The following MRC2 variants were observed in gnomAD, a reference collection of about 807,000 sequenced individuals.
The protein encoded by MRC2 is C-type mannose receptor 2.
In MRC2, 84 loss-of-function variants were observed where a neutral mutation model predicts 206.2. That is an observed-to-expected ratio of 0.41 (90% CI 0.34 to 0.49). The LOEUF is 0.49. Among genes scored for constraint, MRC2 ranks in the 20% least tolerant of loss-of-function variants. MRC2 has a pLI of 0.31. For synonymous variants in MRC2, 798 were observed against 800.0 expected, an observed-to-expected ratio of 1.00 and a Z score of 0.04; for missense variants, 1,676 against 2,001.5, an observed-to-expected ratio of 0.84 and a Z score of 3.10.
intron 1 of MRC2, among the ~76,000 whole-genome samples, chr17:62,638,373 A>G (rs1053483543): frequency 2.6e-5 from 4 of 152,196 alleles, no homozygotes; most frequent in Non-Finnish European, 2.9e-5. Flanking sequence ...GTGGATTTAA[A>G]CTGTTATAAG....
In MRC2 at chr17:62,689,589, C is replaced by T. The variant is rs560546241; in HGVS notation, c.3402C>T (p.Asn1134=). 1.6e-5 allele frequency: 25 copies of T among 1,602,936 alleles called. No individual in the cohort carries two copies. In the East Asian group the frequency reaches 1.8e-4, roughly 11 times the overall value. The change falls in exon 24 of 30, where the codon AAC becomes AAT. Residue 1134 remains asparagine, a synonymous_variant. Transcript: ENST00000303375. The part of the protein sequence containing the change: ...PAPGTELSYL[N]GTFRLLQKPL... ...CGGGCACTGAGCTCTCCTACCTCAA[C>T]GGCACCTTCCGGCTGCTTCAGAAGC...
chr17:62,637,573 C>T (rs563661951), intron 1 of MRC2, among the ~76,000 whole-genome samples: 1 of 151,842 alleles, frequency 6.6e-6, no homozygotes, highest in Non-Finnish European at 1.5e-5. Flanking sequence ...AAAGAATTCC[C>T]GGCCTTCTCA....
intron 27 of MRC2, 73 bp from the exon 28 acceptor site, chr17:62,690,876 G>A: frequency 6.7e-7 from 1 of 1,496,262 alleles, no homozygotes; most frequent in Non-Finnish European, 8.9e-7. Flanking sequence ...GTCGGTTCTA[G>A]AACACACCTG....
At chr17:62,649,083 CAGGGCCCA>C (rs1279695894) in intron 1 of MRC2, among the ~76,000 whole-genome samples, 1 of 152,234 alleles carries the variant, frequency 6.6e-6, no homozygotes, top group South Asian at 2.1e-4. Context: ...CAGCCAATCC[CAGGGCCCA>C]AGGGCCCAAG....
Position 62,681,882 on chromosome 17 carries a change from C to T in MRC2, c.2748C>T (p.Gly916=). 2 of 1,613,974 alleles carry T rather than the reference C, an allele frequency of 1.2e-6. No homozygotes were observed. The highest frequency in any genetic ancestry group is 1.1e-5 in the South Asian group (1 of 91,026). ...SIINFISWAP[G]KPRPVGKDKK... Reference sequence around the variant, plus strand: ...TAAACTTCATCTCCTGGGCACCAGGCAAACCTCGGCCTGTCGGCAAGGACA... The same window carrying T: ...TAAACTTCATCTCCTGGGCACCAGGTAAACCTCGGCCTGTCGGCAAGGACA... Residue 916 remains glycine (G), a synonymous_variant, in exon 19 of 30, where the codon GGC becomes GGT. Coordinates refer to ENST00000303375, the MANE Select transcript of MRC2 (RefSeq NM_006039.5).
chr17:62,635,211 TTC>T lies in MRC2; in HGVS notation c.118+7292_118+7293del, dbSNP rs1491026661. 4.8e-5 allele frequency among the ~76,000 whole-genome samples: 7 copies of T among 146,956 alleles called. No individual in the cohort carries two copies. The East Asian group carries it at 1.2e-3, about 24-fold the overall frequency. ...TTTCTCTTTTTTTTTTTTTTTTTTT[TTC>T]AGAAATAGCCTCAATCAGAGGCATT... On this transcript the variant is annotated intron_variant, in intron 1 of 29. Transcript: ENST00000303375.
In MRC2 at chr17:62,676,524, C is replaced by A; in HGVS notation, c.1827C>A (p.Asp609Glu). 6.3e-7 allele frequency: 1 copy of A among 1,590,614 alleles called. No homozygotes were observed. The highest frequency in any genetic ancestry group is 8.6e-7 in the Non-Finnish European group (1 of 1,168,088). The stretch of plus-strand genomic sequence containing the variant: ...TCATGTACACCCACTGGAACCGGGA[C>A]CAGCCCGGTGAGCCCCTTATTTGAC... The part of the protein sequence containing the change: ...DEVMYTHWNR[D>E]QPGYSRGGCV... The change falls in exon 11 of 30, where the codon GAC (aspartate) becomes GAA (glutamate). Residue 609 changes from aspartate (D) to glutamate (E), a missense_variant. Asp to Glu is a conservative substitution (Grantham distance 45). Around this residue, in one of 3 missense-constraint regions of MRC2, gnomAD observed 1,354 missense variants for 1,636.6 expected, o/e 0.83. Transcript: ENST00000303375.
chr17:62,670,108 C>G (rs993106317), intron 6 of MRC2, among the ~76,000 whole-genome samples: 2 of 152,224 alleles, frequency 1.3e-5, no homozygotes, highest in Admixed American at 6.5e-5. Context: ...GACCTGCAGA[C>G]AGATGTAAGG....
In MRC2 at chr17:62,652,190, T is replaced by C. The variant is rs2088563393; in HGVS notation, c.119-12358T>C. ...ATGCTTTCCCCCAAATTCGTATGGA[T>C]GTCTCCTAATAAAGTCACGCAGTCA... is the stretch of plus-strand genomic sequence containing the variant. On this transcript the variant is annotated intron_variant, in intron 1 of 29. Transcript: ENST00000303375. The surrounding 1 kb of genome is among the most constrained non-coding windows in gnomAD (Gnocchi z 4.6). Among the ~76,000 whole-genome samples, 1 of 152,254 alleles carries C rather than the reference T, an allele frequency of 6.6e-6. No individual in the cohort carries two copies. Among genetic ancestry groups the C allele is most frequent in the Admixed American group, 6.5e-5 (1 of 15,286 alleles).
Position 62,671,632 on chromosome 17 carries a change from C to G in MRC2, c.1118-17C>G, listed in dbSNP as rs370643818. The G allele has an allele frequency of 1.3e-6, 2 of 1,550,062 alleles. No individual in the cohort carries two copies. Among genetic ancestry groups the G allele is most frequent in the African/African-American group, 2.7e-5 (2 of 73,352 alleles). On this transcript the variant is annotated splice_polypyrimidine_tract_variant and intron_variant, in intron 6 of 29. Coordinates refer to ENST00000303375, the MANE Select transcript of MRC2 (RefSeq NM_006039.5). The surrounding 1 kb of genome is among the most constrained non-coding windows in gnomAD (Gnocchi z 4.5). ...GGCGGCTCAGTCCCTGAGCAGCAGC[C>G]TCATGGGTCTCTGCAGACAGGTGGG... is the stretch of plus-strand genomic sequence containing the variant.
chr17:62,678,065 A>C (rs2088916750), intron 12 of MRC2, among the ~76,000 whole-genome samples: 1 of 152,232 alleles, frequency 6.6e-6, no homozygotes, highest in Non-Finnish European at 1.5e-5. Context: ...TAAATAAATA[A>C]ATAAATAAAG....
chr17:62,630,204 T>G (rs926051026), intron 1 of MRC2, among the ~76,000 whole-genome samples: 3 of 152,092 alleles, frequency 2.0e-5, no homozygotes, highest in Admixed American at 6.5e-5. Context: ...GTGAACTGCG[T>G]AGGGGGCAGA....
chr17:62,662,987 T>C lies in MRC2; in HGVS notation c.119-1561T>C, dbSNP rs938915669. On this transcript the variant is annotated intron_variant, in intron 1 of 29. Coordinates refer to ENST00000303375, the MANE Select transcript of MRC2 (RefSeq NM_006039.5). ...TCATCATTTCAACACATGAAAAGTATCCTGGGGAGCTAGTGGCTAGTGGAT... is the reference window on the plus strand; with the variant it reads ...TCATCATTTCAACACATGAAAAGTACCCTGGGGAGCTAGTGGCTAGTGGAT... Among the ~76,000 whole-genome samples, 19 of 152,292 alleles carry C rather than the reference T, an allele frequency of 1.2e-4. 1 individual carries two copies. Among genetic ancestry groups the C allele is most frequent in the South Asian group, 1.0e-3 (5 of 4,824 alleles).
intron 9 of MRC2, 79 bp downstream of exon 9, chr17:62,674,249 C>A: frequency 9.5e-7 from 1 of 1,050,106 alleles, no homozygotes; most frequent in Non-Finnish European, 1.4e-6. Flanking sequence ...TGGATGAACT[C>A]CTGCTGCCTC....
At chr17:62,676,315 C>T (rs552339071) in intron 10 of MRC2, 68 bp from the exon 11 acceptor site, 30 of 1,589,908 alleles carry the variant, frequency 1.9e-5, no homozygotes, top group South Asian at 6.8e-5. Flanking sequence ...CACGGTAGGG[C>T]GTCTGGCCTG....
At position 62,627,756 on chromosome 17, in the gene MRC2, G is replaced by C. The variant is rs1300045663; in HGVS notation, c.-47G>C. On this transcript the variant is annotated 5_prime_UTR_variant, in exon 1 of 30. Transcript: ENST00000303375. Reference sequence around the variant, plus strand: ...CCTCGGGGCTGCCACAGCGCGTTGCGCCTGTGCGCCCTCGGTCCCCGCGTC... The same window carrying C: ...CCTCGGGGCTGCCACAGCGCGTTGCCCCTGTGCGCCCTCGGTCCCCGCGTC... The C allele has an allele frequency of 5.3e-6, 7 of 1,331,132 alleles. No individual in the cohort carries two copies. Among genetic ancestry groups the C allele is most frequent in the Non-Finnish European group, 5.8e-6 (6 of 1,038,212 alleles). The allele number at this position is 1,331,132 out of a possible 1,614,324, so 82.5% of individuals were successfully genotyped here. A position where few individuals can be genotyped will look rare whatever the true frequency, so the allele number is the denominator to read the frequency against.
chr17:62,644,635 A>T (rs2088452926), intron 1 of MRC2, among the ~76,000 whole-genome samples: 1 of 152,124 alleles, frequency 6.6e-6, no homozygotes, highest in African/African-American at 2.4e-5. Context: ...TGACCCCAGC[A>T]GCATTTGTGT....
At chr17:62,661,455 AT>A (rs879521594) in intron 1 of MRC2, among the ~76,000 whole-genome samples, 1 of 151,736 alleles carries the variant, frequency 6.6e-6, no homozygotes, top group African/African-American at 2.4e-5. Context: ...TCATGTATCT[AT>A]TTTTTTGGTA....
chr17:62,633,718 G>A (rs796225360), intron 1 of MRC2, among the ~76,000 whole-genome samples: 6 of 150,040 alleles, frequency 4.0e-5, no homozygotes, highest in African/African-American at 9.8e-5. Context: ...GCTCATTCCT[G>A]TAGTCCCAGC....
Sources: gnomAD v4.1 joint callset for allele counts (sites outside exome capture counted in the v4.1 genomes callset) on GRCh38, gnomAD v4.1.1 for gene constraint, gnomAD v4.1.1 regional missense constraint, Gnocchi (gnomAD v3.1) non-coding constraint, MANE v1.5 for transcripts, NCBI Gene and HGNC (gene_info 2026-07-23, HGNC 2026-07-21) for gene names.